The following PFAS variants were observed in gnomAD, a reference collection of about 807,000 sequenced individuals.
PFAS encodes FGAM synthase.
Under a neutral mutation model 140.6 loss-of-function variants are expected in PFAS, and 97 were observed. The ratio of observed to expected loss-of-function variants is 0.69; its 90% CI spans 0.59 to 0.82. PFAS has a LOEUF of 0.82. PFAS is among the 40% of genes least tolerant of loss of function. The pLI is 0.00. For synonymous variants in PFAS, 679 were observed against 718.8 expected, an observed-to-expected ratio of 0.94 and a Z score of 0.88; for missense variants, 1,656 against 1,780.2, an observed-to-expected ratio of 0.93 and a Z score of 1.26.
chr17:8,255,988 C>T (rs1989347374), intron 6 of PFAS, 78 bp downstream of exon 6: 1 of 1,153,554 alleles, frequency 8.7e-7, no homozygotes, highest in Non-Finnish European at 1.3e-6. Flanking sequence ...CTTCATGTTC[C>T]TCCCTTGGCT....
chr17:8,266,823 G>A lies in PFAS; in HGVS notation c.2892G>A (p.Val964=). ...LEVQEPDLAQ[V]LKRYRDAGLH... is the part of the protein sequence containing the mutation. ...TGCAGGAGCCAGACCTGGCCCAGGT[G>A]CTGAAGCGTTACCGGGATGCTGGCC... Residue 964 remains valine (V), a synonymous_variant, in exon 23 of 28, where the codon GTG becomes GTA. Coordinates refer to ENST00000314666, the MANE Select transcript of PFAS (RefSeq NM_012393.3). The surrounding 1 kb of genome is among the most constrained non-coding windows in gnomAD (Gnocchi z 5.0). 1 of 1,611,788 alleles carries A rather than the reference G, an allele frequency of 6.2e-7. No homozygotes were observed. Among genetic ancestry groups the A allele is most frequent in the Non-Finnish European group, 8.5e-7 (1 of 1,179,888 alleles).
chr17:8,268,426 A>G, intron 26 of PFAS, 107 bp from the exon 27 acceptor site: 2 of 738,298 alleles, frequency 2.7e-6, no homozygotes, highest in Non-Finnish European at 2.2e-6. Flanking sequence ...GGGAGGGAAA[A>G]GGAAGAAAGA....
In PFAS at chr17:8,266,418, A is replaced by T; in HGVS notation, c.2821+65A>T. The T allele has an allele frequency of 1.2e-6, 2 of 1,602,986 alleles. No individual in the cohort carries two copies. Among genetic ancestry groups the T allele is most frequent in the Non-Finnish European group, 8.5e-7 (1 of 1,174,702 alleles). On this transcript the variant is annotated intron_variant, in intron 22 of 27. Coordinates refer to ENST00000314666, the MANE Select transcript of PFAS (RefSeq NM_012393.3). This position sits in a 1 kb window ranked among gnomAD's most constrained non-coding sequence, Gnocchi z 5.0. ...TCTCTACCCTGCAGACCCCATTTCC[A>T]ATATATTAAAGAGTGGAGTGCCCTC...
chr17:8,267,477 G>A lies in PFAS; in HGVS notation c.3267+14G>A. Reference sequence around the variant, plus strand: ...GCTGGGTTTGAGGTGAGCAGGGTAGGGGGCAGCTGGGGGTGATTGTCCAGC... The same window carrying A: ...GCTGGGTTTGAGGTGAGCAGGGTAGAGGGCAGCTGGGGGTGATTGTCCAGC... On this transcript the variant is annotated intron_variant, in intron 25 of 27. Transcript: ENST00000314666. The surrounding 1 kb of genome is among the most constrained non-coding windows in gnomAD (Gnocchi z 4.9). 6.2e-7 allele frequency: 1 copy of A among 1,610,012 alleles called. No individual in the cohort carries two copies. Among genetic ancestry groups the A allele is most frequent in the Non-Finnish European group, 8.5e-7 (1 of 1,176,222 alleles).
chr17:8,267,461 G>A lies in PFAS; in HGVS notation c.3265G>A (p.Glu1089Lys), dbSNP rs145738287. The A allele has an allele frequency of 9.9e-6, 16 of 1,613,722 alleles. No individual in the cohort carries two copies. Among genetic ancestry groups the A allele is most frequent in the African/African-American group, 1.3e-5 (1 of 74,918 alleles). ...MADAFHLAGF[E>K]VWDVTMQDLC... ...CGATGCCTTCCACTTAGCTGGGTTT[G>A]AGGTGAGCAGGGTAGGGGGCAGCTG... The change falls in exon 25 of 28, where the codon GAG becomes AAG. Residue 1089 changes from glutamate (E) to lysine (K), a missense_variant and splice_region_variant. Coordinates refer to ENST00000314666, the MANE Select transcript of PFAS (RefSeq NM_012393.3). This position sits in a 1 kb window ranked among gnomAD's most constrained non-coding sequence, Gnocchi z 4.9.
rs1449231214 is a variant in PFAS, at chr17:8,267,953, T to C, written c.3382+288T>C. On this transcript the variant is annotated intron_variant, in intron 26 of 27. Coordinates refer to ENST00000314666, the MANE Select transcript of PFAS (RefSeq NM_012393.3). This position sits in a 1 kb window ranked among gnomAD's most constrained non-coding sequence, Gnocchi z 4.9. ...TAAAATGTATATTATTTATATATTA[T>C]TAAAATATATATTATTTATATATAT... 6.9e-6 allele frequency among the ~76,000 whole-genome samples: 1 copy of C among 144,678 alleles called. No individual in the cohort carries two copies. Among genetic ancestry groups the C allele is most frequent in the Non-Finnish European group, 1.5e-5 (1 of 66,100 alleles). The allele number at this position is 144,678 out of a possible 152,430, so 94.9% of individuals were successfully genotyped here. A position where few individuals can be genotyped will look rare whatever the true frequency, so the allele number is the denominator to read the frequency against.
intron 9 of PFAS, among the ~76,000 whole-genome samples, chr17:8,257,322 T>C (rs1212365510): frequency 5.9e-5 from 9 of 152,160 alleles, no homozygotes; most frequent in Non-Finnish European, 1.0e-4. Flanking sequence ...TTTGGGAGGC[T>C]GAGGTGGGCG....
chr17:8,255,040 A>T lies in PFAS; in HGVS notation c.292A>T (p.Thr98Ser), dbSNP rs775362335. 1.1e-5 allele frequency: 18 copies of T among 1,613,198 alleles called. No individual in the cohort carries two copies. The African/African-American group carries it at 1.5e-4, about 13-fold the overall frequency. ...LEVGPRLNFS[T>S]PTSTNIVSVC... Reference sequence around the variant, plus strand: ...CCCATTGTTCAGGCTGAACTTCTCCACCCCAACATCCACCAACATCGTGTC... The same window carrying T: ...CCCATTGTTCAGGCTGAACTTCTCCTCCCCAACATCCACCAACATCGTGTC... Residue 98 changes from threonine to serine, a missense_variant, in exon 4 of 28, where the codon ACC (threonine) becomes TCC (serine). Physicochemically the swap from Thr to Ser is moderately conservative, Grantham distance 58. Around this residue, in one of 2 missense-constraint regions of PFAS, gnomAD observed 773 missense variants for 757.3 expected, o/e 1.02. Transcript: ENST00000314666.
rs767071812 is a variant in PFAS, at chr17:8,263,795, T to A, written c.1650T>A (p.Asn550Lys). ...TGCAGCTTGGGGACCCAACCCTGAA[T>A]GCCCTGGAAATCTGGGGGGCTGAGT... is the stretch of plus-strand genomic sequence containing the variant. ...SRFQLGDPTL[N>K]ALEIWGAEYQ... Residue 550 changes from asparagine to lysine, a missense_variant, in exon 15 of 28, where the codon AAT becomes AAA. By Grantham distance (94) the Asn-to-Lys change is moderately conservative (BLOSUM62 0). Around this residue, in one of 2 missense-constraint regions of PFAS, gnomAD observed 773 missense variants for 757.3 expected, o/e 1.02. Coordinates refer to ENST00000314666, the MANE Select transcript of PFAS (RefSeq NM_012393.3). The A allele has an allele frequency of 1.9e-6, 3 of 1,613,910 alleles. No individual in the cohort carries two copies. Among genetic ancestry groups the A allele is most frequent in the Admixed American group, 3.3e-5 (2 of 59,994 alleles).
At position 8,255,637 on chromosome 17, in the gene PFAS, A is replaced by G. The variant is rs1989330861; in HGVS notation, c.520A>G (p.Ile174Val). ...CATGCCGGAACCCCTCAATGGCCCTATCAATATACTGGGTGAGGGCCGGCT... is the reference window on the plus strand; with the variant it reads ...CATGCCGGAACCCCTCAATGGCCCTGTCAATATACTGGGTGAGGGCCGGCT... ...ESMPEPLNGP[I>V]NILGEGRLAL... Residue 174 changes from isoleucine (I) to valine (V), a missense_variant, in exon 5 of 28, where the codon ATC becomes GTC. Physicochemically the swap from Ile to Val is conservative, Grantham distance 29. Coordinates refer to ENST00000314666, the MANE Select transcript of PFAS (RefSeq NM_012393.3). 6.3e-7 allele frequency: 1 copy of G among 1,582,634 alleles called. No homozygotes were observed. The highest frequency in any genetic ancestry group is 8.6e-7 in the Non-Finnish European group (1 of 1,167,024).
chr17:8,266,218 C>T lies in PFAS; in HGVS notation c.2702-16C>T, dbSNP rs752525474. On this transcript the variant is annotated splice_polypyrimidine_tract_variant and intron_variant, in intron 21 of 27. Transcript: ENST00000314666. This position sits in a 1 kb window ranked among gnomAD's most constrained non-coding sequence, Gnocchi z 5.0. ...TTGGGTCCCGAGGTTGCTGAGCTTT[C>T]TTCTCCTTCCTCCAGACCGCCTCCT... 8 of 1,613,300 alleles carry T rather than the reference C, an allele frequency of 5.0e-6. No individual in the cohort carries two copies. The highest frequency in any genetic ancestry group is 5.9e-6 in the Non-Finnish European group (7 of 1,179,638).
At chr17:8,257,011 C>A in intron 9 of PFAS, 48 bp downstream of exon 9, 2 of 1,604,414 alleles carry the variant, frequency 1.2e-6, no homozygotes, top group Middle Eastern at 1.7e-4. Context: ...GATTCCTTGT[C>A]CTGGCAGGCA....
chr17:8,256,681 T>TCAC lies in PFAS; in HGVS notation c.946+34_946+36dup, dbSNP rs1272053654. ...GGGTTCCCTGGAGAAATAGGTGAGA[T>TCAC]CACAGAATAGGGTAGGGCAAAGGTC... On this transcript the variant is annotated intron_variant, in intron 8 of 27. Coordinates refer to ENST00000314666, the MANE Select transcript of PFAS (RefSeq NM_012393.3). 2.5e-6 allele frequency: 4 copies of TCAC among 1,612,710 alleles called. No homozygotes were observed. The African/African-American group carries it at 5.3e-5, about 22-fold the overall frequency.
At chr17:8,257,537 T>C (rs1307786365) in intron 9 of PFAS, among the ~76,000 whole-genome samples, 5 of 151,586 alleles carry the variant, frequency 3.3e-5, no homozygotes, top group Non-Finnish European at 7.4e-5. Context: ...GCCTGGGTGA[T>C]AGAGCGAGAC....
At chr17:8,256,135 G>T in intron 6 of PFAS, 132 bp from the exon 7 acceptor site, 2 of 945,886 alleles carry the variant, frequency 2.1e-6, no homozygotes, top group South Asian at 3.4e-5. Context: ...TGACTTTTTG[G>T]AATATATTTT....
At chr17:8,248,410 A>ATTTTTTTTTT (rs35534210), upstream of PFAS, among the ~76,000 whole-genome samples, 1,018 of 67,536 alleles carry the variant, frequency 0.015, 78 homozygotes, top group South Asian at 0.018. Context: ...CGCCCGGCTA[A>ATTTTTTTTTT]TTTTTTTTTT....
chr17:8,256,960 C>T lies in PFAS; in HGVS notation c.1072C>T (p.Pro358Ser). ...CTATTGCTTTGGAAATCTGCATATT[C>T]CAGGTTCCATCTCCTTCCTCTCTAT... ...AGYCFGNLHIPGYNLPWEDPS... is the reference protein window; with the variant it reads ...AGYCFGNLHISGYNLPWEDPS... The change falls in exon 9 of 28, where the codon CCA becomes TCA. Residue 358 changes from proline to serine, a missense_variant. By Grantham distance (74) the Pro-to-Ser change is moderately conservative (BLOSUM62 -1). Around this residue, in one of 2 missense-constraint regions of PFAS, gnomAD observed 773 missense variants for 757.3 expected, o/e 1.02. Coordinates refer to ENST00000314666, the MANE Select transcript of PFAS (RefSeq NM_012393.3). The T allele has an allele frequency of 1.9e-6, 3 of 1,614,122 alleles. No individual in the cohort carries two copies. Among genetic ancestry groups the T allele is most frequent in the Non-Finnish European group, 2.5e-6 (3 of 1,179,996 alleles).
intron 11 of PFAS, among the ~76,000 whole-genome samples, chr17:8,261,863 A>G (rs1353616871): frequency 2.0e-5 from 3 of 152,054 alleles, no homozygotes; most frequent in African/African-American, 4.8e-5. Flanking sequence ...CGCCCGCCTC[A>G]GTCTCCCAAA....
Position 8,266,725 on chromosome 17 carries a change from C to T in PFAS, c.2822-28C>T. 1 of 1,575,940 alleles carries T rather than the reference C, an allele frequency of 6.3e-7. No homozygotes were observed. On this transcript the variant is annotated intron_variant, in intron 22 of 27. Transcript: ENST00000314666. The surrounding 1 kb of genome is among the most constrained non-coding windows in gnomAD (Gnocchi z 5.0). Reference sequence around the variant, plus strand: ...CAACTCCCTTGGCCCTTCTTGCATCCCCCTGACTCCCCACATTGCTCTCCC... The same window carrying T: ...CAACTCCCTTGGCCCTTCTTGCATCTCCCTGACTCCCCACATTGCTCTCCC...
Sources: allele counts gnomAD v4.1 joint callset (sites outside exome capture counted in the v4.1 genomes callset), GRCh38; gene constraint gnomAD v4.1.1; regional missense constraint gnomAD v4.1.1; non-coding constraint Gnocchi (gnomAD v3.1); transcripts MANE v1.5; gene names NCBI Gene and HGNC (gene_info 2026-07-23, HGNC 2026-07-21).